PBRM1: variants seen among roughly 807,000 people sequenced by gnomAD.
The protein encoded by PBRM1 is polybromo 1.
PBRM1 carries 27 observed loss-of-function variants against 194.5 expected under a neutral mutation model. The observed-to-expected ratio is 0.14, with a 90% CI of 0.10 to 0.19. PBRM1 has a LOEUF of 0.19. Among genes scored for constraint, PBRM1 ranks in the 10% least tolerant of loss-of-function variants. The pLI, the probability that PBRM1 is intolerant of heterozygous loss-of-function variation, is 1.00. For missense variants in PBRM1, 1,466 were observed against 2,077.2 expected, an observed-to-expected ratio of 0.71 and a Z score of 5.72; for synonymous variants, 655 against 693.2, an observed-to-expected ratio of 0.94 and a Z score of 0.87.
chr3:52,617,597 A>G, intron 13 of PBRM1, 59 bp from the exon 16 acceptor site: 3 of 1,216,958 alleles, frequency 2.5e-6, no homozygotes, highest in Non-Finnish European at 1.1e-6. Flanking sequence ...TTCTTAATAT[A>G]CGGATGACCA....
chr3:52,679,364 A>G (rs1476674003), intron 1 of PBRM1, among the ~76,000 whole-genome samples: 3 of 152,254 alleles, frequency 2.0e-5, no homozygotes, highest in Non-Finnish European at 4.4e-5. Context: ...CTGAATTAAT[A>G]TATGATGTAA....
intron 20 of PBRM1, among the ~76,000 whole-genome samples, chr3:52,581,446 G>A (rs2091151946): frequency 6.6e-6 from 1 of 150,922 alleles, no homozygotes; most frequent in Non-Finnish European, 1.5e-5. Flanking sequence ...TGAGGCGGAG[G>A]TTGCAGTGAG....
chr3:52,573,835 C>A (rs887523240), intron 22 of PBRM1, among the ~76,000 whole-genome samples: 1 of 152,280 alleles, frequency 6.6e-6, no homozygotes, highest in Non-Finnish European at 1.5e-5. Context: ...TTAACTTACC[C>A]TCACTCCATT....
At chr3:52,649,191 C>T (rs751582990) in intron 6 of PBRM1, among the ~76,000 whole-genome samples, 1 of 152,062 alleles carries the variant, frequency 6.6e-6, no homozygotes, top group Admixed American at 6.6e-5. Context: ...CTATTTGCCT[C>T]GTGGGACTAC....
At chr3:52,635,690 C>T (rs139646685) in intron 10 of PBRM1, among the ~76,000 whole-genome samples, 1 of 152,174 alleles carries the variant, frequency 6.6e-6, no homozygotes, top group East Asian at 1.9e-4. Flanking sequence ...AGTAAAAGTA[C>T]AATAGTTTTA....
At chr3:52,629,944 G>A (rs1018919752) in intron 11 of PBRM1, among the ~76,000 whole-genome samples, 8 of 152,118 alleles carry the variant, frequency 5.3e-5, no homozygotes, top group Admixed American at 2.0e-4. Context: ...ATTCTGTGTT[G>A]TGCTCCAACA....
upstream of PBRM1, chr3:52,681,610 A>T (rs2097206711): frequency 1.4e-5 from 6 of 417,254 alleles, no homozygotes; most frequent in Non-Finnish European, 2.0e-5. Flanking sequence ...CTTTGTGGAA[A>T]GGATAACAAA....
At chr3:52,658,392 G>A in intron 4 of PBRM1, 77 bp from the exon 6 acceptor site, 2 of 737,958 alleles carry the variant, frequency 2.7e-6, no homozygotes, top group Non-Finnish European at 2.3e-6. Flanking sequence ...TAAAATTGTA[G>A]AGCTAATTCA....
intron 16 of PBRM1, among the ~76,000 whole-genome samples, chr3:52,608,294 T>C (rs530530467): frequency 1.3e-5 from 2 of 152,298 alleles, no homozygotes; most frequent in South Asian, 4.1e-4. Context: ...TGTAAGACTA[T>C]GGGTAACTTT....
chr3:52,612,855 G>A (rs1408889807), intron 15 of PBRM1, among the ~76,000 whole-genome samples: 2 of 147,116 alleles, frequency 1.4e-5, no homozygotes, highest in East Asian at 2.0e-4. Context: ...GTAGTGAGCC[G>A]AGATCGTGCC....
At chr3:52,665,067 T>C (rs978154847) in intron 3 of PBRM1, among the ~76,000 whole-genome samples, 2 of 152,148 alleles carry the variant, frequency 1.3e-5, no homozygotes, top group East Asian at 1.9e-4. Flanking sequence ...ACTACAATCA[T>C]ACTGGCGGAT....
At chr3:52,607,306 A>G (rs2094397246) in intron 16 of PBRM1, among the ~76,000 whole-genome samples, 1 of 152,126 alleles carries the variant, frequency 6.6e-6, no homozygotes, top group Non-Finnish European at 1.5e-5. Flanking sequence ...CTACTAAATT[A>G]CCAGGGATCC....
chr3:52,624,208 T>C (rs918947433), intron 13 of PBRM1, among the ~76,000 whole-genome samples: 1 of 152,236 alleles, frequency 6.6e-6, no homozygotes, highest in South Asian at 2.1e-4. Context: ...AACCTGCCTC[T>C]TTCCTTGGCC....
At chr3:52,633,333 T>C (rs1577139214) in intron 11 of PBRM1, among the ~76,000 whole-genome samples, 3 of 152,176 alleles carry the variant, frequency 2.0e-5, no homozygotes, top group Admixed American at 1.3e-4. Flanking sequence ...GCTTCATCCA[T>C]GTTAGAGCGT....
chr3:52,619,460 GA>G (rs1014864750), intron 13 of PBRM1, among the ~76,000 whole-genome samples: 2 of 151,946 alleles, frequency 1.3e-5, no homozygotes, highest in Non-Finnish European at 1.5e-5. Context: ...GGACATGACA[GA>G]AAAAAAGTCT....
At chr3:52,643,297 T>G in exon 9 of PBRM1, 1 of 1,613,870 alleles carries the variant, frequency 6.2e-7, no homozygotes, top group Admixed American at 1.7e-5. Flanking sequence ...CTGCCTTTAC[T>G]GTGTGAAGGA....
chr3:52,561,690 G>GTAAA, intron 25 of PBRM1, 77 bp downstream of exon 27: 5 of 1,277,794 alleles, frequency 3.9e-6, no homozygotes, highest in Non-Finnish European at 5.7e-6. Context: ...AAGAACAAGA[G>GTAAA]TAAAACCTGT....
At chr3:52,601,528 T>TA (rs2093993295) in intron 17 of PBRM1, among the ~76,000 whole-genome samples, 1 of 150,960 alleles carries the variant, frequency 6.6e-6, no homozygotes, top group Non-Finnish European at 1.5e-5. Context: ...GCTCAGGGGG[T>TA]AATGTTTGCT....
At chr3:52,571,746 T>A in intron 22 of PBRM1, among the ~76,000 whole-genome samples, 1 of 141,688 alleles carries the variant, frequency 7.1e-6, no homozygotes, top group Admixed American at 7.5e-5. Flanking sequence ...TGGGGCTAGG[T>A]AAGGTAGCTC....
Sources: gnomAD v4.1 joint callset for allele counts (sites outside exome capture counted in the v4.1 genomes callset) on GRCh38, gnomAD v4.1.1 for gene constraint, MANE v1.5 for transcripts, NCBI Gene and HGNC (gene_info 2026-07-23, HGNC 2026-07-21) for gene names.